SORCS2: variants seen among roughly 807,000 people sequenced by gnomAD.
The protein encoded by SORCS2 is sortilin related VPS10 domain containing receptor 2, also known as VPS10 domain-containing receptor SorCS2.
SORCS2 carries 100 observed loss-of-function variants against 141.6 expected under a neutral mutation model. The ratio of observed to expected loss-of-function variants is 0.71; its 90% CI spans 0.60 to 0.83. The LOEUF (loss-of-function observed/expected upper bound fraction) is 0.83. SORCS2 is among the 40% of genes least tolerant of loss of function. The pLI is 0.00. For synonymous variants in SORCS2, 789 were observed against 676.9 expected (o/e 1.17, Z -2.57); for missense variants, 1,646 against 1,560.2 (o/e 1.05, Z -0.93).
Position 7,729,777 on chromosome 4 carries a change from A to G in SORCS2, c.3108+65A>G, listed in dbSNP as rs564884284. 7.0e-6 allele frequency: 11 copies of G among 1,561,374 alleles called. No individual in the cohort carries two copies. The East Asian group carries it at 1.6e-4, about 23-fold the overall frequency. On this transcript the variant is annotated intron_variant, in intron 23 of 26. Coordinates refer to ENST00000507866, the MANE Select transcript of SORCS2 (RefSeq NM_020777.3). Reference sequence around the variant, plus strand: ...ACATCCCAGGGCTCGGGTCATTTACAACAAGCAGGGACGTCTCAGTGGCTC... The same window carrying G: ...ACATCCCAGGGCTCGGGTCATTTACGACAAGCAGGGACGTCTCAGTGGCTC...
chr4:7,507,276 G>A (rs1212888645), intron 2 of SORCS2, among the ~76,000 whole-genome samples: 2 of 152,156 alleles, frequency 1.3e-5, no homozygotes, highest in African/African-American at 2.4e-5. Context: ...CTGGATTCAA[G>A]TGATTCCCCT....
chr4:7,223,861 C>A (rs1442850078), intron 1 of SORCS2, among the ~76,000 whole-genome samples: 1 of 130,924 alleles, frequency 7.6e-6, no homozygotes, highest in Non-Finnish European at 1.6e-5. Context: ...GAAGTCCATG[C>A]TGTTAAGTGG....
chr4:7,239,224 C>T (rs563912361), intron 1 of SORCS2, among the ~76,000 whole-genome samples: 5 of 152,366 alleles, frequency 3.3e-5, no homozygotes, highest in African/African-American at 1.2e-4. Flanking sequence ...GGGACCTCCT[C>T]CTCACTCACG....
At chr4:7,606,124 C>G (rs1718046921) in intron 3 of SORCS2, among the ~76,000 whole-genome samples, 1 of 152,162 alleles carries the variant, frequency 6.6e-6, no homozygotes, top group African/African-American at 2.4e-5. Context: ...TGAACCACCC[C>G]TTCTTGATAA....
At chr4:7,509,037 G>T (rs913460643) in intron 2 of SORCS2, among the ~76,000 whole-genome samples, 2 of 152,174 alleles carry the variant, frequency 1.3e-5, no homozygotes, top group South Asian at 2.1e-4. Context: ...GCGACCTTTC[G>T]TGGGTAACCA....
At chr4:7,461,468 C>A (rs189798014) in intron 2 of SORCS2, among the ~76,000 whole-genome samples, 1 of 152,356 alleles carries the variant, frequency 6.6e-6, no homozygotes, top group Non-Finnish European at 1.5e-5. Flanking sequence ...GTGGGGAAAC[C>A]TGTAGCACCC....
chr4:7,316,193 C>G (rs9995241), intron 1 of SORCS2, among the ~76,000 whole-genome samples: 1 of 151,078 alleles, frequency 6.6e-6, no homozygotes, highest in Non-Finnish European at 1.5e-5. Context: ...CATCCATCCA[C>G]CCATCCAGCT....
At chr4:7,691,332 G>A (rs892829796) in intron 11 of SORCS2, among the ~76,000 whole-genome samples, 3 of 152,186 alleles carry the variant, frequency 2.0e-5, no homozygotes, top group Admixed American at 6.5e-5. Flanking sequence ...GTGAAAGAGC[G>A]GCCATGTTGT....
intron 3 of SORCS2, among the ~76,000 whole-genome samples, chr4:7,532,605 C>T (rs540163731): frequency 1.5e-4 from 23 of 152,274 alleles, no homozygotes; most frequent in Admixed American, 8.5e-4. Context: ...TCGATGGTTG[C>T]GCTGGTGGCA....
At chr4:7,735,453 A>T (rs1280896638) in intron 25 of SORCS2, 1 of 154,258 alleles carries the variant, frequency 6.5e-6, no homozygotes, top group Non-Finnish European at 1.5e-5. Context: ...ACACAGCATT[A>T]ATTGTCTGGG....
At chr4:7,266,317 T>C (rs1258844714) in intron 1 of SORCS2, among the ~76,000 whole-genome samples, 2 of 152,162 alleles carry the variant, frequency 1.3e-5, no homozygotes, top group Non-Finnish European at 2.9e-5. Context: ...TCTGGTGAAG[T>C]GTCGGAGCTT....
At chr4:7,296,314 G>A (rs1057115282) in intron 1 of SORCS2, among the ~76,000 whole-genome samples, 1 of 152,222 alleles carries the variant, frequency 6.6e-6, no homozygotes, top group Admixed American at 6.5e-5. Context: ...TTTCTCTCTG[G>A]CCTCAGTGGT....
At chr4:7,226,482 A>G (rs1728998909) in intron 1 of SORCS2, among the ~76,000 whole-genome samples, 1 of 151,922 alleles carries the variant, frequency 6.6e-6, no homozygotes, top group Non-Finnish European at 1.5e-5. Context: ...GACGTCTGTG[A>G]CGGCCGGGTG....
At chr4:7,650,811 G>A (rs1049035867) in intron 4 of SORCS2, among the ~76,000 whole-genome samples, 4 of 149,736 alleles carry the variant, frequency 2.7e-5, no homozygotes, top group East Asian at 3.9e-4. Context: ...GTGAGGCGGC[G>A]CCAGCGACCT....
intron 14 of SORCS2, 120 bp from the exon 15 acceptor site, chr4:7,712,613 G>T (rs1381362269): frequency 1.4e-6 from 2 of 1,419,528 alleles, no homozygotes; most frequent in Admixed American, 3.6e-5. Flanking sequence ...AAGGGCAGGA[G>T]AAGGATATCT....
intron 1 of SORCS2, among the ~76,000 whole-genome samples, chr4:7,383,335 A>G (rs1388009535): frequency 2.6e-5 from 4 of 152,080 alleles, no homozygotes; most frequent in African/African-American, 9.7e-5. Flanking sequence ...GCTGTGCCCA[A>G]ATCTGGGTCT....
chr4:7,734,971 C>T (rs1577138079), intron 25 of SORCS2, among the ~76,000 whole-genome samples: 1 of 152,202 alleles, frequency 6.6e-6, no homozygotes, highest in African/African-American at 2.4e-5. Context: ...GGCTTTCATA[C>T]CTCTCTTTCC....
intron 3 of SORCS2, among the ~76,000 whole-genome samples, chr4:7,537,145 T>G (rs941125785): frequency 7.2e-5 from 11 of 152,186 alleles, no homozygotes; most frequent in Admixed American, 2.0e-4. Flanking sequence ...AGCTCCTTAC[T>G]GCACACCGGG....
At chr4:7,338,789 C>A (rs1046735245) in intron 1 of SORCS2, among the ~76,000 whole-genome samples, 1 of 152,244 alleles carries the variant, frequency 6.6e-6, no homozygotes, top group Admixed American at 6.5e-5. Flanking sequence ...TGGCAGGACA[C>A]CAGACAGCTT....
Sources: gnomAD v4.1 joint callset for allele counts (sites outside exome capture counted in the v4.1 genomes callset) on GRCh38, gnomAD v4.1.1 for gene constraint, MANE v1.5 for transcripts, NCBI Gene and HGNC (gene_info 2026-07-23, HGNC 2026-07-21) for gene names.